CLASP1: variants seen among roughly 807,000 people sequenced by gnomAD.
CLASP1 encodes the protein CLIP-associating protein 1.
CLASP1 carries 38 observed loss-of-function variants against 192.3 expected under a neutral mutation model. The ratio of observed to expected loss-of-function variants is 0.20; its 90% CI spans 0.15 to 0.26. CLASP1 has a LOEUF of 0.26. Ranked by LOEUF, CLASP1 falls within the 10% of genes least tolerant of loss-of-function variation. CLASP1 has a pLI of 1.00. For missense variants in CLASP1, 1,433 were observed against 1,932.5 expected (o/e 0.74, Z 4.85); for synonymous variants, 691 against 712.8 (o/e 0.97, Z 0.49).
chr2:121,599,172 T>G (rs914532352), intron 2 of CLASP1, among the ~76,000 whole-genome samples: 18 of 152,170 alleles, frequency 1.2e-4, no homozygotes, highest in African/African-American at 4.1e-4. Context: ...CGTATTTTTT[T>G]TTAATAAGCC....
At chr2:121,585,498 G>C (rs367689020) in intron 2 of CLASP1, among the ~76,000 whole-genome samples, 6 of 152,056 alleles carry the variant, frequency 3.9e-5, no homozygotes, top group Admixed American at 3.3e-4. Context: ...CCCATTTCTA[G>C]GACCGCATCC....
chr2:121,398,680 C>T (rs889172326), intron 28 of CLASP1, among the ~76,000 whole-genome samples: 25 of 152,014 alleles, frequency 1.6e-4, no homozygotes, highest in African/African-American at 4.8e-4. Context: ...AAATTTCTAC[C>T]TGCCTTTCTA....
chr2:121,513,263 G>T (rs560251606), intron 7 of CLASP1, among the ~76,000 whole-genome samples: 2 of 152,130 alleles, frequency 1.3e-5, no homozygotes, highest in African/African-American at 4.8e-5. Context: ...CCAAGCACTC[G>T]TGTATGCCAA....
intron 15 of CLASP1, 50 bp from the exon 16 acceptor site, chr2:121,451,040 T>C: frequency 8.1e-7 from 1 of 1,227,310 alleles, no homozygotes; most frequent in Non-Finnish European, 1.2e-6. Context: ...TATGGTTTGA[T>C]GCAAGTGAAA....
At chr2:121,546,224 C>G (rs185194288) in intron 2 of CLASP1, among the ~76,000 whole-genome samples, 1 of 152,190 alleles carries the variant, frequency 6.6e-6, no homozygotes, top group East Asian at 1.9e-4. Context: ...TTGGAAATAA[C>G]TTGGCAGTTT....
chr2:121,347,192 T>A, intron 38 of CLASP1, 38 bp from the exon 40 acceptor site: 1 of 1,362,938 alleles, frequency 7.3e-7, no homozygotes, highest in Non-Finnish European at 1.0e-6. Flanking sequence ...GGAAACCAGA[T>A]CAAAGATTCA....
chr2:121,559,114 T>G (rs1340689720), intron 2 of CLASP1, among the ~76,000 whole-genome samples: 1 of 152,162 alleles, frequency 6.6e-6, no homozygotes, highest in African/African-American at 2.4e-5. Context: ...TCATGAGATG[T>G]GCAAACAACA....
chr2:121,451,911 ATTT>A, intron 14 of CLASP1, 62 bp from the exon 15 acceptor site: 2 of 1,198,568 alleles, frequency 1.7e-6, no homozygotes, highest in South Asian at 2.7e-5. Context: ...TGAAAACGGC[ATTT>A]TTCTTAAGTG....
chr2:121,430,207 C>T, intron 19 of CLASP1, 30 bp from the exon 20 acceptor site: 1 of 1,509,538 alleles, frequency 6.6e-7, no homozygotes, highest in Non-Finnish European at 9.0e-7. Flanking sequence ...CAGTGTTTCA[C>T]AACATTTCCA....
chr2:121,485,734 T>TG (rs1166774459), intron 8 of CLASP1, among the ~76,000 whole-genome samples: 1 of 151,918 alleles, frequency 6.6e-6, no homozygotes, highest in Admixed American at 6.6e-5. Flanking sequence ...TAGGGCATGG[T>TG]GGGGGGCGCC....
intron 1 of CLASP1, among the ~76,000 whole-genome samples, chr2:121,649,047 T>C (rs982722644): frequency 4.0e-5 from 6 of 151,828 alleles, no homozygotes; most frequent in Non-Finnish European, 8.8e-5. Context: ...CAGGGGAGAC[T>C]CGGGTTAGGA....
intron 26 of CLASP1, 141 bp downstream of exon 27, chr2:121,404,230 T>A: frequency 1.4e-6 from 2 of 1,400,286 alleles, no homozygotes; most frequent in Non-Finnish European, 1.9e-6. Flanking sequence ...AGATGTAACA[T>A]ACACTAGTGC....
At chr2:121,481,859 G>A (rs779035011) in intron 8 of CLASP1, among the ~76,000 whole-genome samples, 6 of 152,138 alleles carry the variant, frequency 3.9e-5, no homozygotes, top group Admixed American at 6.5e-5. Flanking sequence ...TGGGAGCTGG[G>A]ATGCAGAAAG....
chr2:121,396,050 GTCTA>G (rs1223162929), intron 30 of CLASP1, among the ~76,000 whole-genome samples: 1 of 152,212 alleles, frequency 6.6e-6, no homozygotes, highest in Non-Finnish European at 1.5e-5. Context: ...ACAACAGAGT[GTCTA>G]CGCTCTGCCC....
At chr2:121,530,970 T>A (rs1044488450) in intron 2 of CLASP1, 1 of 699,708 alleles carries the variant, frequency 1.4e-6, no homozygotes, top group Non-Finnish European at 2.6e-6. Flanking sequence ...CCGCATCAAC[T>A]AGAGCTTTTG....
rs953854795 is a variant in CLASP1, at chr2:121,558,858, C to T, written c.196-28533G>A. Among the ~76,000 whole-genome samples, 4 of 152,132 alleles carry T rather than the reference C, an allele frequency of 2.6e-5. No individual in the cohort carries two copies. In the East Asian group the frequency reaches 5.8e-4, roughly 22 times the overall value. On this transcript the variant is annotated intron_variant, in intron 2 of 39. Coordinates refer to ENST00000263710, the Ensembl canonical transcript of CLASP1. ...CTCCAAATCACAAAGAATTTCAGAG[C>T]GAGCCAGATTCTCTCATGGTTCTGT...
At chr2:121,420,645 T>A (rs375751056) in intron 22 of CLASP1, among the ~76,000 whole-genome samples, 2 of 152,198 alleles carry the variant, frequency 1.3e-5, no homozygotes. Flanking sequence ...GAAGAGCACA[T>A]GTAAAAATTT....
At chr2:121,373,139 G>A (rs2069120640) in intron 34 of CLASP1, among the ~76,000 whole-genome samples, 1 of 152,160 alleles carries the variant, frequency 6.6e-6, no homozygotes, top group South Asian at 2.1e-4. Context: ...TCACGGGGGT[G>A]GAATTCCCCC....
intron 2 of CLASP1, among the ~76,000 whole-genome samples, chr2:121,579,790 A>G (rs1435628712): frequency 6.6e-6 from 1 of 152,252 alleles, no homozygotes; most frequent in Non-Finnish European, 1.5e-5. Context: ...TTGGCATGGC[A>G]TATTTCATAA....
Sources: allele counts gnomAD v4.1 joint callset (sites outside exome capture counted in the v4.1 genomes callset), GRCh38; gene constraint gnomAD v4.1.1; transcripts MANE v1.5; gene names NCBI Gene and HGNC (gene_info 2026-07-23, HGNC 2026-07-21).